Variants in PRKN observed in about 807,000 individuals in gnomAD.
The protein encoded by PRKN is E3 ubiquitin-protein ligase parkin.
In PRKN, 56 loss-of-function variants were observed where a neutral mutation model predicts 59.5. That is an observed-to-expected ratio of 0.94 (90% CI 0.76 to 1.18). The LOEUF (loss-of-function observed/expected upper bound fraction) is 1.18, where lower values mean the gene tolerates loss of function less well. Among genes scored for constraint, PRKN ranks in the 50% most tolerant of loss-of-function variants. The pLI is 0.00. For synonymous variants in PRKN, 250 were observed against 222.1 expected, an observed-to-expected ratio of 1.13 and a Z score of -1.12; for missense variants, 657 against 596.4, an observed-to-expected ratio of 1.10 and a Z score of -1.06.
chr6:162,073,125 A>G (rs887547727), intron 4 of PRKN, among the ~76,000 whole-genome samples: 14 of 152,228 alleles, frequency 9.2e-5, no homozygotes, highest in Non-Finnish European at 1.6e-4. Context: ...TTGAAGCTAC[A>G]GCAAACAGGT....
chr6:161,780,229 G>A (rs1790145304), intron 7 of PRKN, among the ~76,000 whole-genome samples: 1 of 152,204 alleles, frequency 6.6e-6, no homozygotes. Flanking sequence ...GCCAGCATTT[G>A]AACTAGGCTT....
At chr6:161,632,471 T>C (rs1783352436) in intron 7 of PRKN, among the ~76,000 whole-genome samples, 2 of 152,248 alleles carry the variant, frequency 1.3e-5, no homozygotes, top group Admixed American at 6.5e-5. Flanking sequence ...TTGATCTTGC[T>C]GTTTTTCTTT....
chr6:161,483,023 T>C lies in PRKN; in HGVS notation c.1083+65831A>G, dbSNP rs144133024. Reference sequence around the variant, plus strand: ...AAGTCTGGCAGTACAGAATTCTTCCTTCTCCCTCGGCTTCTTTTTAAGTTT... The same window carrying C: ...AAGTCTGGCAGTACAGAATTCTTCCCTCTCCCTCGGCTTCTTTTTAAGTTT... On this transcript the variant is annotated intron_variant, in intron 9 of 11. Transcript: ENST00000366898. This position sits in a 1 kb window ranked among gnomAD's most constrained non-coding sequence, Gnocchi z 5.0. Among the ~76,000 whole-genome samples the C allele has an allele frequency of 9.1e-4, 138 of 152,336 alleles. No homozygotes were observed. The highest frequency in any genetic ancestry group is 3.2e-3 in the African/African-American group (131 of 41,578).
At chr6:162,387,068 ATTTT>A (rs1554311816) in intron 2 of PRKN, among the ~76,000 whole-genome samples, 2 of 152,104 alleles carry the variant, frequency 1.3e-5, no homozygotes, top group African/African-American at 2.4e-5. Context: ...TTATTTATTT[ATTTT>A]TAAGTTACAC....
rs567202399 is a variant in PRKN, at chr6:161,433,597, A to G, written c.1084-46720T>C. 4.3e-4 allele frequency among the ~76,000 whole-genome samples: 66 copies of G among 152,334 alleles called. No homozygotes were observed. In the East Asian group the frequency reaches 0.011, roughly 26 times the overall value. ...GACTACTAGGAGTATGAGGCCCGAT[A>G]TAAACTCCCTTTGATAAAGAAGAGC... is the stretch of plus-strand genomic sequence containing the variant. On this transcript the variant is annotated intron_variant, in intron 9 of 11. Transcript: ENST00000366898.
intron 4 of PRKN, among the ~76,000 whole-genome samples, chr6:162,072,813 G>A (rs111309570): frequency 2.0e-4 from 31 of 152,128 alleles, no homozygotes; most frequent in African/African-American, 5.8e-4. Flanking sequence ...ACAATTGCAC[G>A]TAACAAACAG....
intron 2 of PRKN, among the ~76,000 whole-genome samples, chr6:162,434,045 C>A (rs571280138): frequency 5.9e-5 from 9 of 152,158 alleles, no homozygotes; most frequent in East Asian, 1.9e-4. Context: ...AATAATAAGA[C>A]AAGAAACATT....
At chr6:162,190,077 A>G (rs1784207322) in intron 4 of PRKN, among the ~76,000 whole-genome samples, 1 of 152,158 alleles carries the variant, frequency 6.6e-6, no homozygotes, top group Admixed American at 6.6e-5. Flanking sequence ...CCGTAGTTCA[A>G]TCATACCAAC....
At chr6:162,014,437 G>T (rs576630949) in intron 5 of PRKN, among the ~76,000 whole-genome samples, 1 of 152,280 alleles carries the variant, frequency 6.6e-6, no homozygotes, top group South Asian at 2.1e-4. Context: ...AGGAGGAGGG[G>T]AAACCTTGAA....
At chr6:161,514,876 G>A (rs1778528995) in intron 9 of PRKN, among the ~76,000 whole-genome samples, 1 of 152,120 alleles carries the variant, frequency 6.6e-6, no homozygotes, top group Non-Finnish European at 1.5e-5. Context: ...TGCCGTCATG[G>A]TGCCTACTAC....
chr6:162,647,194 T>C (rs999178815), intron 1 of PRKN, among the ~76,000 whole-genome samples: 23 of 152,070 alleles, frequency 1.5e-4, no homozygotes, highest in African/African-American at 5.3e-4. Context: ...TGTAATATAA[T>C]ATAAAGAGAG....
At chr6:162,534,405 A>G (rs1778634768) in intron 1 of PRKN, among the ~76,000 whole-genome samples, 1 of 152,080 alleles carries the variant, frequency 6.6e-6, no homozygotes, top group Non-Finnish European at 1.5e-5. Context: ...TTCTTTGAAC[A>G]TCGAAAGCAT....
Position 161,395,926 on chromosome 6 carries a change from C to T in PRKN, c.1084-9049G>A, listed in dbSNP as rs1488559205. 6.6e-6 allele frequency among the ~76,000 whole-genome samples: 1 copy of T among 152,186 alleles called. No individual in the cohort carries two copies. ...TAAGCTCAGCGGCTTTAAACACAGA[C>T]AGCCAACAAATTAGAGGTCCAGGTT... On this transcript the variant is annotated intron_variant, in intron 9 of 11. Transcript: ENST00000366898. This position sits in a 1 kb window ranked among gnomAD's most constrained non-coding sequence, Gnocchi z 5.0.
Position 161,459,798 on chromosome 6 carries a change from C to T in PRKN, c.1084-72921G>A, listed in dbSNP as rs1383321286. ...TTGGTTTTCTCTTTGTCTCCTTCTT[C>T]ATAATTTAGAGGCTTTCAATGACTT... is the stretch of plus-strand genomic sequence containing the variant. On this transcript the variant is annotated intron_variant, in intron 9 of 11. Coordinates refer to ENST00000366898, the MANE Select transcript of PRKN (RefSeq NM_004562.3). The surrounding 1 kb of genome is among the most constrained non-coding windows in gnomAD (Gnocchi z 4.8). Among the ~76,000 whole-genome samples the T allele has an allele frequency of 6.6e-6, 1 of 152,160 alleles. No individual in the cohort carries two copies. The highest frequency in any genetic ancestry group is 1.5e-5 in the Non-Finnish European group (1 of 68,038).
Position 162,490,035 on chromosome 6 carries a change from G to C in PRKN, c.8-46562C>G, listed in dbSNP as rs535335369. Among the ~76,000 whole-genome samples the C allele has an allele frequency of 2.0e-5, 3 of 152,266 alleles. No homozygotes were observed. The East Asian group carries it at 5.8e-4, about 29-fold the overall frequency. The stretch of plus-strand genomic sequence containing the variant: ...AGCAACTAAATATTGTCCCATTGTA[G>C]AGATGGGATGTCCTTACCATAGTGA... On this transcript the variant is annotated intron_variant, in intron 1 of 11. Transcript: ENST00000366898.
intron 3 of PRKN, among the ~76,000 whole-genome samples, chr6:162,234,867 G>A (rs897082329): frequency 7.2e-5 from 11 of 152,098 alleles, no homozygotes; most frequent in Non-Finnish European, 1.2e-4. Flanking sequence ...TCAGCACATC[G>A]GCACAATGTG....
chr6:161,642,854 C>A (rs7742442), intron 7 of PRKN, among the ~76,000 whole-genome samples: 43,202 of 152,022 alleles, frequency 0.28, 6,361 homozygotes, highest in Non-Finnish European at 0.32. Context: ...TTTTTAAAAA[C>A]ATTTAAACAT....
intron 5 of PRKN, among the ~76,000 whole-genome samples, chr6:162,050,478 T>TC (rs1777586868): frequency 6.6e-6 from 1 of 151,672 alleles, no homozygotes; most frequent in Admixed American, 6.6e-5. Context: ...CCCTCTCTTT[T>TC]TTTTTCATCT....
chr6:162,322,354 T>C (rs1783068484), intron 2 of PRKN, among the ~76,000 whole-genome samples: 1 of 152,090 alleles, frequency 6.6e-6, no homozygotes, highest in African/African-American at 2.4e-5. Flanking sequence ...GACGTAACAT[T>C]ATTAAAATGT....
Sources: allele counts gnomAD v4.1 joint callset (sites outside exome capture counted in the v4.1 genomes callset), GRCh38; gene constraint gnomAD v4.1.1; non-coding constraint Gnocchi (gnomAD v3.1); transcripts MANE v1.5; gene names NCBI Gene and HGNC (gene_info 2026-07-23, HGNC 2026-07-21).